The following ZSCAN5A variants were observed in gnomAD, a reference collection of about 807,000 sequenced individuals.
ZSCAN5A encodes zinc finger and SCAN domain-containing protein 5A.
In ZSCAN5A, 12 loss-of-function variants were observed where a neutral mutation model predicts 23.7. The ratio of observed to expected loss-of-function variants is 0.51; its 90% confidence interval spans 0.32 to 0.82. The LOEUF (loss-of-function observed/expected upper bound fraction) is 0.82, where lower values mean the gene tolerates loss of function less well. Ranked by LOEUF, ZSCAN5A falls within the 40% of genes least tolerant of loss-of-function variation. The pLI, the probability that ZSCAN5A is intolerant of heterozygous loss-of-function variation, is 0.03. For missense variants in ZSCAN5A, 597 were observed against 617.9 expected (o/e 0.97, Z 0.36); for synonymous variants, 257 against 239.9 (o/e 1.07, Z -0.66).
chr19:56,342,420 CAT>C (rs940102225), intron 2 of ZSCAN5A: 5 of 345,470 alleles, frequency 1.4e-5, no homozygotes, highest in African/African-American at 1.1e-4. Context: ...AAAACTACCA[CAT>C]GATCTTTATT....
chr19:56,305,314 T>G (rs1204604323), intron 2 of ZSCAN5A, among the ~76,000 whole-genome samples: 1 of 152,238 alleles, frequency 6.6e-6, no homozygotes, highest in East Asian at 1.9e-4. Flanking sequence ...ACTCTGGTCA[T>G]TTCATACACA....
chr19:56,275,661 T>A (rs1187451791), intron 2 of ZSCAN5A, among the ~76,000 whole-genome samples: 2 of 152,236 alleles, frequency 1.3e-5, no homozygotes, highest in Non-Finnish European at 2.9e-5. Context: ...TTGAACAGGC[T>A]AAGCTTGAAG....
intron 2 of ZSCAN5A, among the ~76,000 whole-genome samples, chr19:56,227,319 A>T (rs938101998): frequency 2.6e-5 from 4 of 152,216 alleles, no homozygotes; most frequent in Non-Finnish European, 5.9e-5. Context: ...ATTAGAAGCA[A>T]ATTAATTTTT....
At chr19:56,325,110 T>C (rs1473192895) in intron 2 of ZSCAN5A, among the ~76,000 whole-genome samples, 2 of 152,222 alleles carry the variant, frequency 1.3e-5, no homozygotes, top group Admixed American at 6.5e-5. Flanking sequence ...GAATCCTCCA[T>C]AGTCTGGTGA....
At chr19:56,245,066 T>C (rs1036191746) in intron 2 of ZSCAN5A, among the ~76,000 whole-genome samples, 1 of 152,006 alleles carries the variant, frequency 6.6e-6, no homozygotes, top group African/African-American at 2.4e-5. Flanking sequence ...AAGGAAAAAA[T>C]TCAGACAGAT....
intron 2 of ZSCAN5A, among the ~76,000 whole-genome samples, chr19:56,300,245 C>T (rs1426143031): frequency 6.6e-6 from 1 of 152,080 alleles, no homozygotes; most frequent in Non-Finnish European, 1.5e-5. Flanking sequence ...AAATTTCACC[C>T]TTTTATATAG....
chr19:56,245,432 G>A, intron 2 of ZSCAN5A: 1 of 663,740 alleles, frequency 1.5e-6, no homozygotes, highest in South Asian at 1.8e-5. Flanking sequence ...GCAGGTGAGT[G>A]TGTGAGGCCC....
intron 2 of ZSCAN5A, chr19:56,302,173 CGAA>C (rs1443574620): frequency 1.8e-6 from 2 of 1,099,886 alleles, no homozygotes; most frequent in African/African-American, 3.2e-5. Context: ...ACAGAGGAAG[CGAA>C]GGAGGGTGCC....
At chr19:56,287,797 C>G (rs149882495) in intron 2 of ZSCAN5A, among the ~76,000 whole-genome samples, 1 of 152,322 alleles carries the variant, frequency 6.6e-6, no homozygotes, top group African/African-American at 2.4e-5. Flanking sequence ...ACAGTAGATT[C>G]ATTCAGCACC....
intron 2 of ZSCAN5A, among the ~76,000 whole-genome samples, chr19:56,226,982 T>C (rs2034010788): frequency 6.6e-6 from 1 of 152,008 alleles, no homozygotes; most frequent in African/African-American, 2.4e-5. Context: ...AAAAACCCAG[T>C]GGAACTCATA....
intron 2 of ZSCAN5A, among the ~76,000 whole-genome samples, chr19:56,354,822 A>G (rs1485650437): frequency 6.6e-6 from 1 of 152,196 alleles, no homozygotes; most frequent in Non-Finnish European, 1.5e-5. Flanking sequence ...TGACGGCTGA[A>G]TGACTGTGTT....
chr19:56,249,377 T>TTC (rs2036185386), intron 2 of ZSCAN5A, among the ~76,000 whole-genome samples: 1 of 152,134 alleles, frequency 6.6e-6, no homozygotes. Flanking sequence ...GTTGAAGCAA[T>TTC]TCACTTGCCT....
At position 56,301,081 on chromosome 19, in the gene ZSCAN5A, G is replaced by A. The variant is rs535225193; in HGVS notation, c.-128+12202C>T. Among the ~76,000 whole-genome samples the A allele has an allele frequency of 3.6e-3, 542 of 152,160 alleles. 1 individual carries two copies. The highest frequency in any genetic ancestry group is 0.012 in the African/African-American group (482 of 41,488). On this transcript the variant is annotated intron_variant, in intron 2 of 5. Coordinates refer to ENST00000683990, the MANE Select transcript of ZSCAN5A (RefSeq NM_001322064.3). ...GGTTTTGTTACCAGAAAGGGGTCCCGATCAAGACCCCCAGAGAGGGTTCTT... is the reference window on the plus strand; with the variant it reads ...GGTTTTGTTACCAGAAAGGGGTCCCAATCAAGACCCCCAGAGAGGGTTCTT...
chr19:56,336,742 T>C (rs2041541196), intron 2 of ZSCAN5A, among the ~76,000 whole-genome samples: 1 of 152,236 alleles, frequency 6.6e-6, no homozygotes, highest in South Asian at 2.1e-4. Context: ...TTGATGATGG[T>C]GACGTACAGA....
intron 2 of ZSCAN5A, among the ~76,000 whole-genome samples, chr19:56,238,137 CAT>C (rs1398903898): frequency 4.6e-5 from 7 of 150,900 alleles, no homozygotes; most frequent in South Asian, 2.1e-4. Flanking sequence ...CAGACACACA[CAT>C]GGACATACAC....
intron 2 of ZSCAN5A, among the ~76,000 whole-genome samples, chr19:56,298,825 G>C (rs1464244781): frequency 6.6e-6 from 1 of 152,114 alleles, no homozygotes; most frequent in African/African-American, 2.4e-5. Flanking sequence ...ATTAAAAACA[G>C]TCATTTCCCA....
At chr19:56,319,797 C>A, upstream of ZSCAN5A, 1 of 775,702 alleles carries the variant, frequency 1.3e-6, no homozygotes, top group South Asian at 1.3e-5. Context: ...TAACTATGGT[C>A]CACTGGAATT....
chr19:56,222,875 G>A, intron 4 of ZSCAN5A, 134 bp from the exon 5 acceptor site: 3 of 1,198,072 alleles, frequency 2.5e-6, no homozygotes, highest in South Asian at 1.4e-5. Context: ...GACTTCCCCT[G>A]GACCACCCCA....
At chr19:56,233,935 G>A (rs778913781) in intron 2 of ZSCAN5A, among the ~76,000 whole-genome samples, 5 of 152,104 alleles carry the variant, frequency 3.3e-5, no homozygotes, top group Non-Finnish European at 7.4e-5. Flanking sequence ...CCGTGAGCAC[G>A]CACAGTAACT....
Sources: gnomAD v4.1 joint callset for allele counts (sites outside exome capture counted in the v4.1 genomes callset) on GRCh38, gnomAD v4.1.1 for gene constraint, MANE v1.5 for transcripts, NCBI Gene and HGNC (gene_info 2026-07-23, HGNC 2026-07-21) for gene names.